The following TRIB3 variants were observed in gnomAD, a reference collection of about 807,000 sequenced individuals.
TRIB3 encodes the protein tribbles pseudokinase 3, also known as tribbles homolog 3.
In TRIB3, 20 loss-of-function variants were observed where a neutral mutation model predicts 16.6. That is an observed-to-expected ratio of 1.20 (90% CI 0.85 to 1.75). TRIB3 has a LOEUF of 1.75. Among genes scored for constraint, TRIB3 ranks in the 40% most tolerant of loss-of-function variants. The probability of loss-of-function intolerance (pLI) is 0.00; values close to 1 mark genes in which losing one functional copy is unlikely to be tolerated. For missense variants in TRIB3, 484 were observed against 488.9 expected (o/e 0.99, Z 0.10); for synonymous variants, 208 against 217.0 (o/e 0.96, Z 0.36).
chr20:386,038 T>A lies in TRIB3; in HGVS notation c.1-1973T>A, dbSNP rs1042334571. On this transcript the variant is annotated intron_variant, in intron 1 of 3. Transcript: ENST00000217233. ...ACACCCAGCTAATTAAAAAAAAATT[T>A]TTTTTTGTAGAGACAGGGTCTCACT... Among the ~76,000 whole-genome samples the A allele has an allele frequency of 3.7e-4, 56 of 149,884 alleles. 1 individual carries two copies. Among genetic ancestry groups the A allele is most frequent in the African/African-American group, 1.2e-3 (47 of 39,780 alleles).
intron 2 of TRIB3, among the ~76,000 whole-genome samples, chr20:388,852 G>A (rs143956141): frequency 3.9e-5 from 6 of 152,250 alleles, no homozygotes; most frequent in African/African-American, 9.6e-5. Context: ...CTGGGACCTC[G>A]GAGGTGATCG....
rs935259061 is a variant in TRIB3 at position 387,216 on chromosome 20, T to TA, written c.1-786dup. 4.6e-5 allele frequency among the ~76,000 whole-genome samples: 7 copies of TA among 150,926 alleles called. No individual in the cohort carries two copies. In the South Asian group the frequency reaches 1.0e-3, roughly 23 times the overall value. On this transcript the variant is annotated intron_variant, in intron 1 of 3. Transcript: ENST00000217233. The stretch of plus-strand genomic sequence containing the variant: ...GGGAGACCCCCATCTCTACAAAGAA[T>TA]AAAAAAAAATTAGTCAGGCATCATA...
At chr20:391,016 A>G (rs563736497) in intron 2 of TRIB3, among the ~76,000 whole-genome samples, 5 of 151,686 alleles carry the variant, frequency 3.3e-5, no homozygotes, top group African/African-American at 1.2e-4. Flanking sequence ...AAAAAAAAAA[A>G]AAAAAAAAGC....
At chr20:384,489 G>A (rs1018689025) in intron 1 of TRIB3, among the ~76,000 whole-genome samples, 3 of 151,814 alleles carry the variant, frequency 2.0e-5, no homozygotes, top group South Asian at 2.1e-4. Flanking sequence ...TCAGCCTCCC[G>A]AGTAGCTGGG....
chr20:388,453 T>A, intron 2 of TRIB3, 152 bp downstream of exon 2: 1 of 1,062,476 alleles, frequency 9.4e-7, no homozygotes, highest in East Asian at 2.6e-5. Flanking sequence ...GCTGGACTGA[T>A]ACTAGAGAGG....
chr20:396,428 A>T lies in TRIB3; in HGVS notation c.815A>T (p.Lys272Met). 2 of 1,612,984 alleles carry T rather than the reference A, an allele frequency of 1.2e-6. No homozygotes were observed. The highest frequency in any genetic ancestry group is 1.7e-6 in the Non-Finnish European group (2 of 1,180,016). ...TCGGAGCCTGTCCTGCTCTTCGGCA[A>T]GATCCGCCGCGGGGCCTACGCCTTG... is the stretch of plus-strand genomic sequence containing the variant. ...QDSEPVLLFG[K>M]IRRGAYALPA... The change falls in exon 4 of 4, where the codon AAG becomes ATG. Residue 272 changes from lysine (K) to methionine (M), a missense_variant. Physicochemically the swap from Lys to Met is moderately conservative, Grantham distance 95. Coordinates refer to ENST00000217233, the MANE Select transcript of TRIB3 (RefSeq NM_021158.5).
chr20:390,172 C>CA (rs1301727973), intron 2 of TRIB3, among the ~76,000 whole-genome samples: 1 of 151,916 alleles, frequency 6.6e-6, no homozygotes, highest in East Asian at 1.9e-4. Flanking sequence ...ATTAAAAATA[C>CA]AAAAAATTAG....
intron 1 of TRIB3, chr20:382,542 A>C (rs1568531453): frequency 6.5e-7 from 1 of 1,535,686 alleles, no homozygotes; most frequent in Admixed American, 2.0e-5. Context: ...TAAGACTCCC[A>C]AGGATGGTAC....
intron 1 of TRIB3, among the ~76,000 whole-genome samples, chr20:382,126 TGCGTGC>T (rs1270957427): frequency 8.3e-5 from 7 of 83,894 alleles, no homozygotes; most frequent in African/African-American, 1.3e-4. Context: ...TGTGTGTGTG[TGCGTGC>T]GCGCGCGCGC....
intron 2 of TRIB3, 67 bp downstream of exon 2, chr20:388,368 T>G: frequency 2.0e-6 from 3 of 1,520,570 alleles, no homozygotes; most frequent in Non-Finnish European, 2.6e-6. Context: ...TCCAAAGGAT[T>G]GCCAGGGTGC....
chr20:382,475 C>T (rs1306604751), intron 1 of TRIB3: 12 of 1,497,508 alleles, frequency 8.0e-6, no homozygotes, highest in Non-Finnish European at 1.1e-5. Flanking sequence ...CTGCGTGACT[C>T]AGAACAGCCT....
At chr20:383,768 C>T (rs1466199851) in intron 1 of TRIB3, among the ~76,000 whole-genome samples, 1 of 152,132 alleles carries the variant, frequency 6.6e-6, no homozygotes, top group Non-Finnish European at 1.5e-5. Context: ...TGTCAAAATG[C>T]ACTCCTCAGA....
In TRIB3 at chr20:396,568, C is replaced by G. The variant is rs751618484; in HGVS notation, c.955C>G (p.Pro319Ala). 4 of 1,613,150 alleles carry G rather than the reference C, an allele frequency of 2.5e-6. No individual in the cohort carries two copies. In the South Asian group the frequency reaches 4.4e-5, roughly 18 times the overall value. Residue 319 changes from proline (P) to alanine (A), a missense_variant, in exon 4 of 4, where the codon CCG (proline) becomes GCG (alanine). Coordinates refer to ENST00000217233, the MANE Select transcript of TRIB3 (RefSeq NM_021158.5). ...ILLHPWLRQD[P>A]MPLAPTRSHL... Reference sequence around the variant, plus strand: ...CCTGCACCCCTGGCTGCGACAGGACCCGATGCCCTTAGCCCCAACCCGATC... The same window carrying G: ...CCTGCACCCCTGGCTGCGACAGGACGCGATGCCCTTAGCCCCAACCCGATC...
intron 1 of TRIB3, among the ~76,000 whole-genome samples, chr20:383,785 A>G (rs1427570949): frequency 6.6e-6 from 1 of 152,054 alleles, no homozygotes; most frequent in East Asian, 1.9e-4. Context: ...CAGAGGTGGT[A>G]CCTTTTATCC....
Position 396,683 on chromosome 20 carries a change from A to T in TRIB3, c.1070A>T (p.Tyr357Phe). 6.2e-7 allele frequency: 1 copy of T among 1,609,094 alleles called. No homozygotes were observed. The highest frequency in any genetic ancestry group is 2.2e-5 in the East Asian group (1 of 44,778). The change falls in exon 4 of 4, where the codon TAT (tyrosine) becomes TTT (phenylalanine). Residue 357 changes from tyrosine to phenylalanine, a missense_variant. Physicochemically the swap from Tyr to Phe is conservative, Grantham distance 22 (BLOSUM62 3). Transcript: ENST00000217233. ...GAGGGAGACAGAGAAGTGGTTCTGT[A>T]TGGCTAGGACCACCCTACTACACGC... is the stretch of plus-strand genomic sequence containing the variant. ...EEEGDREVVLYG is the reference protein window; with the variant it reads ...EEEGDREVVLFG
At chr20:385,701 C>A (rs1600247878) in intron 1 of TRIB3, 1 of 151,994 alleles carries the variant, frequency 6.6e-6, no homozygotes, top group African/African-American at 2.4e-5. Context: ...TATGACTCTC[C>A]GTGTCACCTG....
intron 2 of TRIB3, among the ~76,000 whole-genome samples, chr20:390,630 T>G (rs1000640902): frequency 6.6e-6 from 1 of 152,136 alleles, no homozygotes; most frequent in Non-Finnish European, 1.5e-5. Flanking sequence ...TCCTGCTTTG[T>G]GGGTTATTTT....
chr20:391,034 G>GTGGAGT (rs2014961271), intron 2 of TRIB3, among the ~76,000 whole-genome samples: 1 of 146,814 alleles, frequency 6.8e-6, no homozygotes, highest in Non-Finnish European at 1.5e-5. Context: ...AGCACAGACA[G>GTGGAGT]TGGAGTGCAT....
At chr20:391,246 C>T (rs754062052) in intron 2 of TRIB3, 41 bp from the exon 3 acceptor site, 27 of 1,585,488 alleles carry the variant, frequency 1.7e-5, no homozygotes, top group African/African-American at 2.7e-5. Context: ...CCTCAGCTCC[C>T]GGGAGTCCCC....
Sources: gnomAD v4.1 joint callset for allele counts (sites outside exome capture counted in the v4.1 genomes callset) on GRCh38, gnomAD v4.1.1 for gene constraint, MANE v1.5 for transcripts, NCBI Gene and HGNC (gene_info 2026-07-23, HGNC 2026-07-21) for gene names.